The following ROBO1 variants were observed in gnomAD, a reference collection of about 807,000 sequenced individuals.
ROBO1 encodes the protein roundabout homolog 1.
In ROBO1, 149 loss-of-function variants were observed where a neutral mutation model predicts 195.9. The ratio of observed to expected loss-of-function variants is 0.76; its 90% CI spans 0.67 to 0.87. The LOEUF (loss-of-function observed/expected upper bound fraction) is 0.87. Ranked by LOEUF, ROBO1 falls within the 40% of genes least tolerant of loss-of-function variation. The pLI, the probability that ROBO1 is intolerant of heterozygous loss-of-function variation, is 0.00. For missense variants in ROBO1, 1,933 were observed against 2,068.3 expected (o/e 0.93, Z 1.27); for synonymous variants, 816 against 733.2 (o/e 1.11, Z -1.82).
rs2077088633 is a variant in ROBO1, at chr3:78,985,602, T to C, written c.173-46675A>G. Among the ~76,000 whole-genome samples, 4 of 152,050 alleles carry C rather than the reference T, an allele frequency of 2.6e-5. No homozygotes were observed. In the South Asian group the frequency reaches 8.3e-4, roughly 32 times the overall value. On this transcript the variant is annotated intron_variant, in intron 3 of 30. Coordinates refer to ENST00000464233, the MANE Select transcript of ROBO1 (RefSeq NM_002941.4). ...CATTTCGGGCCACATCATTCTTCAT[T>C]ACGAAGGGATGTAATGTACATTACA... is the stretch of plus-strand genomic sequence containing the variant.
chr3:79,275,334 T>A (rs978838595), intron 2 of ROBO1, among the ~76,000 whole-genome samples: 1 of 151,814 alleles, frequency 6.6e-6, no homozygotes, highest in Non-Finnish European at 1.5e-5. Context: ...ACATATACAA[T>A]TCAATCAATG....
intron 17 of ROBO1, 118 bp downstream of exon 17, chr3:78,659,568 C>T (rs537886956): frequency 3.0e-6 from 2 of 672,290 alleles, no homozygotes; most frequent in Admixed American, 7.9e-5. Flanking sequence ...TTACATGTTG[C>T]TATTTGGACC....
chr3:79,323,085 C>CTTT (rs1175827885), intron 2 of ROBO1, among the ~76,000 whole-genome samples: 1 of 142,286 alleles, frequency 7.0e-6, no homozygotes, highest in African/African-American at 2.6e-5. Context: ...TTCTTTCTTT[C>CTTT]TTTTTTTTTT....
At chr3:79,541,399 C>T (rs1392871168) in intron 2 of ROBO1, among the ~76,000 whole-genome samples, 2 of 151,944 alleles carry the variant, frequency 1.3e-5, no homozygotes, top group African/African-American at 2.4e-5. Context: ...CCCCTCCCAG[C>T]GGTGTGTTTG....
At chr3:79,066,469 C>T (rs910331188) in intron 3 of ROBO1, among the ~76,000 whole-genome samples, 7 of 151,740 alleles carry the variant, frequency 4.6e-5, no homozygotes, top group South Asian at 2.1e-4. Flanking sequence ...TACTTTTAGT[C>T]GAATTACTGA....
intron 4 of ROBO1, among the ~76,000 whole-genome samples, chr3:78,920,154 G>A (rs1014384375): frequency 1.3e-5 from 2 of 152,158 alleles, no homozygotes; most frequent in Non-Finnish European, 2.9e-5. Context: ...AATATATCAT[G>A]CCTTAGCATT....
chr3:78,959,537 T>G (rs2041230094), intron 3 of ROBO1, among the ~76,000 whole-genome samples: 1 of 152,306 alleles, frequency 6.6e-6, no homozygotes, highest in South Asian at 2.1e-4. Flanking sequence ...AACAAATATT[T>G]ACTGAGTAAC....
At chr3:78,878,145 C>G (rs554183283) in intron 4 of ROBO1, among the ~76,000 whole-genome samples, 1 of 152,222 alleles carries the variant, frequency 6.6e-6, no homozygotes, top group African/African-American at 2.4e-5. Flanking sequence ...CCCAACAATA[C>G]TCTAATGCTG....
At chr3:79,563,480 A>G (rs953659980) in intron 2 of ROBO1, among the ~76,000 whole-genome samples, 2 of 152,094 alleles carry the variant, frequency 1.3e-5, no homozygotes, top group African/African-American at 2.4e-5. Context: ...GCTTTTTACT[A>G]TCTTCATTCA....
At chr3:78,641,641 T>C (rs1441516745) in intron 21 of ROBO1, among the ~76,000 whole-genome samples, 1 of 152,222 alleles carries the variant, frequency 6.6e-6, no homozygotes, top group Non-Finnish European at 1.5e-5. Context: ...ATGTTATCAC[T>C]GTAGAAGTTA....
chr3:79,601,700 TG>T (rs1944344655), intron 1 of ROBO1, among the ~76,000 whole-genome samples: 1 of 151,988 alleles, frequency 6.6e-6, no homozygotes, highest in Non-Finnish European at 1.5e-5. Context: ...CAAGAAATCA[TG>T]GTAGATTAAA....
At position 79,168,724 on chromosome 3, in the gene ROBO1, G is replaced by C. The variant is rs571058993; in HGVS notation, c.89-43185C>G. On this transcript the variant is annotated intron_variant, in intron 2 of 30. Transcript: ENST00000464233. ...AGGCAACATTGACTCCATGCCCCCTGTATTTCAGGCACTGTTTTAGGAGCT... is the reference window on the plus strand; with the variant it reads ...AGGCAACATTGACTCCATGCCCCCTCTATTTCAGGCACTGTTTTAGGAGCT... Among the ~76,000 whole-genome samples, 13 of 152,214 alleles carry C rather than the reference G, an allele frequency of 8.5e-5. No homozygotes were observed. The East Asian group carries it at 1.9e-3, about 23-fold the overall frequency.
chr3:79,154,976 T>C (rs923825215), intron 2 of ROBO1, among the ~76,000 whole-genome samples: 2 of 151,836 alleles, frequency 1.3e-5, no homozygotes, highest in African/African-American at 4.8e-5. Context: ...GGTTGAATTC[T>C]GTGACAGCTG....
intron 2 of ROBO1, among the ~76,000 whole-genome samples, chr3:79,210,853 A>G (rs889926714): frequency 1.3e-5 from 2 of 152,270 alleles, no homozygotes; most frequent in South Asian, 2.1e-4. Flanking sequence ...AACATAATAT[A>G]TAAGAGCATA....
intron 2 of ROBO1, among the ~76,000 whole-genome samples, chr3:79,350,856 T>C (rs570265229): frequency 2.6e-5 from 4 of 152,216 alleles, no homozygotes; most frequent in Admixed American, 6.5e-5. Flanking sequence ...TCTTGCTATG[T>C]TGCCCAGGAT....
chr3:78,632,539 T>TC lies in ROBO1; in HGVS notation c.3482-1235dup, dbSNP rs548467818. The stretch of plus-strand genomic sequence containing the variant: ...CCTGATATACATCTACTGTAGCAAC[T>TC]CCATCAGTCCGGAGAGGCCTATCAC... On this transcript the variant is annotated intron_variant, in intron 24 of 30. Coordinates refer to ENST00000464233, the MANE Select transcript of ROBO1 (RefSeq NM_002941.4). Among the ~76,000 whole-genome samples the TC allele has an allele frequency of 2.8e-4, 42 of 152,304 alleles. No homozygotes were observed. The East Asian group carries it at 4.6e-3, about 17-fold the overall frequency.
chr3:78,643,833 TG>T (rs1391707085), intron 21 of ROBO1, among the ~76,000 whole-genome samples: 2 of 152,122 alleles, frequency 1.3e-5, no homozygotes, highest in African/African-American at 4.8e-5. Flanking sequence ...TGAGAGCTTT[TG>T]TCATAGATTA....
chr3:79,092,125 C>CGGGA (rs2079489755), intron 3 of ROBO1, among the ~76,000 whole-genome samples: 1 of 152,102 alleles, frequency 6.6e-6, no homozygotes, highest in Admixed American at 6.6e-5. Context: ...GAGGCAGAGA[C>CGGGA]GGGAAACATA....
At chr3:79,275,887 C>CAA (rs34445372) in intron 2 of ROBO1, among the ~76,000 whole-genome samples, 1,691 of 149,900 alleles carry the variant, frequency 0.011, 13 homozygotes, top group Non-Finnish European at 0.019. Context: ...ACAACAGCTA[C>CAA]AAAAAAAAAT....
Sources: allele counts gnomAD v4.1 joint callset (sites outside exome capture counted in the v4.1 genomes callset), GRCh38; gene constraint gnomAD v4.1.1; transcripts MANE v1.5; gene names NCBI Gene and HGNC (gene_info 2026-07-23, HGNC 2026-07-21).